Variants in RTN3 observed in about 807,000 individuals in gnomAD.
RTN3 encodes the protein reticulon 3.
RTN3 carries 49 observed loss-of-function variants against 77.8 expected under a neutral mutation model. The observed-to-expected ratio is 0.63, with a 90% confidence interval of 0.50 to 0.80. The LOEUF (loss-of-function observed/expected upper bound fraction) is 0.80, where lower values mean the gene tolerates loss of function less well. RTN3 is among the 30% of genes least tolerant of loss of function. RTN3 has a pLI of 0.00. For synonymous variants in RTN3, 464 were observed against 446.9 expected, an observed-to-expected ratio of 1.04 and a Z score of -0.48; for missense variants, 1,236 against 1,211.9, an observed-to-expected ratio of 1.02 and a Z score of -0.29.
intron 1 of RTN3, 105 bp downstream of exon 1, chr11:63,681,883 T>A (rs1197103054): frequency 8.2e-7 from 1 of 1,212,488 alleles, no homozygotes; most frequent in Admixed American, 3.1e-5. Flanking sequence ...TACCCTCGAC[T>A]ACTGACGGCT....
At chr11:63,752,722 C>T in intron 5 of RTN3, 77 bp downstream of exon 5, 2 of 1,467,582 alleles carry the variant, frequency 1.4e-6, no homozygotes, top group East Asian at 2.3e-5. Context: ...AAAAACAGTA[C>T]ATAGGATTTT....
chr11:63,720,845 T>C lies in RTN3; in HGVS notation c.2343T>C (p.Ala781=), dbSNP rs1565323370. 4 of 1,613,852 alleles carry C rather than the reference T, an allele frequency of 2.5e-6. No homozygotes were observed. Among genetic ancestry groups the C allele is most frequent in the Admixed American group, 3.3e-5 (2 of 60,010 alleles). The change falls in exon 3 of 9, where the codon GCT becomes GCC. Residue 781 remains alanine, a synonymous_variant. Transcript: ENST00000377819. ...TACTGAAGCAAACTTTCACATTTGCTCCAGAATCTTGGCCACAGAGATCAT... is the reference window on the plus strand; with the variant it reads ...TACTGAAGCAAACTTTCACATTTGCCCCAGAATCTTGGCCACAGAGATCAT... ...EEVLKQTFTF[A]PESWPQRSYD...
At chr11:63,751,181 C>G (rs1287801550) in intron 4 of RTN3, among the ~76,000 whole-genome samples, 2 of 152,182 alleles carry the variant, frequency 1.3e-5, no homozygotes, top group Non-Finnish European at 2.9e-5. Context: ...ACTCTAAATT[C>G]TTGAGCAGGG....
chr11:63,741,898 A>C (rs1024947396), intron 3 of RTN3, among the ~76,000 whole-genome samples: 1 of 151,728 alleles, frequency 6.6e-6, no homozygotes. Flanking sequence ...GTACTATAGC[A>C]TCTTGATAAT....
intron 3 of RTN3, among the ~76,000 whole-genome samples, chr11:63,721,961 T>G (rs2011846904): frequency 6.6e-6 from 1 of 152,188 alleles, no homozygotes; most frequent in South Asian, 2.1e-4. Context: ...TTATTTAATA[T>G]TCTTCAGGCC....
chr11:63,757,133 A>G (rs2014416658), intron 8 of RTN3, among the ~76,000 whole-genome samples: 2 of 152,256 alleles, frequency 1.3e-5, no homozygotes, highest in South Asian at 2.1e-4. Flanking sequence ...TCTCAGAAAC[A>G]AAAGTTCTAG....
chr11:63,697,564 C>G (rs1942029055), intron 1 of RTN3, among the ~76,000 whole-genome samples: 3 of 152,030 alleles, frequency 2.0e-5, no homozygotes, highest in African/African-American at 7.2e-5. Context: ...CAACCTCTGC[C>G]TCCTGGGTTC....
chr11:63,731,597 TAAATC>T (rs1381857011), intron 3 of RTN3, among the ~76,000 whole-genome samples: 3 of 152,098 alleles, frequency 2.0e-5, no homozygotes, highest in Admixed American at 6.6e-5. Flanking sequence ...ACAATGAAAA[TAAATC>T]AAACTTGTGG....
Position 63,759,552 on chromosome 11 carries a change from T to G in RTN3, c.*1351T>G, listed in dbSNP as rs1039952442. The stretch of plus-strand genomic sequence containing the variant: ...TGTTTTAACTGGTTTCATGTCCTAG[T>G]AGGAAGTGCATTCTCCATCCTCATC... On this transcript the variant is annotated 3_prime_UTR_variant, in exon 9 of 9. Coordinates refer to ENST00000377819, the MANE Select transcript of RTN3 (RefSeq NM_001265589.2). The G allele has an allele frequency of 6.6e-6, 1 of 152,602 alleles. No homozygotes were observed. Among genetic ancestry groups the G allele is most frequent in the Non-Finnish European group, 1.5e-5 (1 of 68,018 alleles). 9.5% of individuals were successfully genotyped at this position (152,602 alleles called of 1,614,324 possible).
At chr11:63,721,926 C>G (rs2011843461) in intron 3 of RTN3, among the ~76,000 whole-genome samples, 1 of 152,096 alleles carries the variant, frequency 6.6e-6, no homozygotes, top group South Asian at 2.1e-4. Flanking sequence ...CTTAGGAGAA[C>G]TCATGCATTC....
intron 7 of RTN3, 109 bp from the exon 8 acceptor site, chr11:63,756,003 C>G (rs2014363744): frequency 6.9e-6 from 5 of 729,380 alleles, no homozygotes; most frequent in Non-Finnish European, 1.2e-5. Flanking sequence ...ATTTTCTACA[C>G]TGGTCAGTCG....
intron 3 of RTN3, among the ~76,000 whole-genome samples, chr11:63,725,005 C>A: frequency 6.8e-6 from 1 of 147,030 alleles, no homozygotes; most frequent in African/African-American, 2.5e-5. Context: ...TAGAAAAGTA[C>A]AAAGGCAGCC....
At chr11:63,695,831 G>T (rs1590788861) in intron 1 of RTN3, among the ~76,000 whole-genome samples, 2 of 152,144 alleles carry the variant, frequency 1.3e-5, no homozygotes, top group East Asian at 3.8e-4. Context: ...TCCTGGATAG[G>T]ATCTTGGGAA....
In RTN3 at chr11:63,720,770, T is replaced by G. The variant is rs763439997; in HGVS notation, c.2268T>G (p.Val756=). 3 of 1,614,148 alleles carry G rather than the reference T, an allele frequency of 1.9e-6. No homozygotes were observed. The South Asian group carries it at 3.3e-5, about 18-fold the overall frequency. The part of the protein sequence containing the change: ...KALKELGERQ[V]EKSTSAQRDA... ...TTAAAGAATTAGGTGAAAGACAGGT[T>G]GAGAAGTCAACTTCTGCACAGCGTG... Residue 756 remains valine, a synonymous_variant, in exon 3 of 9, where the codon GTT becomes GTG. Coordinates refer to ENST00000377819, the MANE Select transcript of RTN3 (RefSeq NM_001265589.2).
intron 3 of RTN3, among the ~76,000 whole-genome samples, chr11:63,728,939 C>G (rs968909466): frequency 6.8e-6 from 1 of 148,122 alleles, no homozygotes; most frequent in African/African-American, 2.5e-5. Context: ...AAGAATGACA[C>G]AGGGAAATGA....
chr11:63,689,537 C>T (rs974861889), intron 1 of RTN3, among the ~76,000 whole-genome samples: 1 of 151,698 alleles, frequency 6.6e-6, no homozygotes, highest in Non-Finnish European at 1.5e-5. Flanking sequence ...AATACTGTAA[C>T]GGGGTTTGCA....
intron 3 of RTN3, among the ~76,000 whole-genome samples, chr11:63,738,158 T>C (rs1190396165): frequency 6.6e-6 from 1 of 152,214 alleles, no homozygotes; most frequent in Non-Finnish European, 1.5e-5. Context: ...TTACATAAAT[T>C]GTTCATATTA....
intron 4 of RTN3, among the ~76,000 whole-genome samples, chr11:63,750,990 C>G (rs1268410981): frequency 2.0e-5 from 3 of 152,174 alleles, no homozygotes; most frequent in African/African-American, 7.2e-5. Flanking sequence ...CCTCTGCCTC[C>G]CAAAGTGCTG....
intron 3 of RTN3, among the ~76,000 whole-genome samples, chr11:63,740,946 A>T (rs1210959275): frequency 1.3e-5 from 2 of 152,108 alleles, no homozygotes; most frequent in Non-Finnish European, 2.9e-5. Flanking sequence ...TATGAAGTTG[A>T]TCTTGTATTA....
Sources: gnomAD v4.1 joint callset for allele counts (sites outside exome capture counted in the v4.1 genomes callset) on GRCh38, gnomAD v4.1.1 for gene constraint, MANE v1.5 for transcripts, NCBI Gene and HGNC (gene_info 2026-07-23, HGNC 2026-07-21) for gene names.